Variants in SLMAP observed in about 807,000 individuals in gnomAD.
SLMAP encodes the protein sarcolemma associated protein, also known as sarcolemmal membrane-associated protein.
In SLMAP, 44 loss-of-function variants were observed where a neutral mutation model predicts 128.8. The observed-to-expected ratio is 0.34, with a 90% CI of 0.27 to 0.44. The LOEUF is 0.44. SLMAP is among the 20% of genes least tolerant of loss of function. The pLI is 1.00. For missense variants in SLMAP, 787 were observed against 985.3 expected, an observed-to-expected ratio of 0.80 and a Z score of 2.69; for synonymous variants, 327 against 348.8, an observed-to-expected ratio of 0.94 and a Z score of 0.70.
intron 2 of SLMAP, among the ~76,000 whole-genome samples, chr3:57,785,680 C>A (rs565184191): frequency 6.6e-6 from 1 of 152,282 alleles, no homozygotes; most frequent in South Asian, 2.1e-4. Context: ...TCTACTACCA[C>A]ACTTCTCTTT....
chr3:57,826,284 G>T (rs1274017466), intron 2 of SLMAP, among the ~76,000 whole-genome samples: 1 of 151,972 alleles, frequency 6.6e-6, no homozygotes, highest in Non-Finnish European at 1.5e-5. Context: ...TGAAATAGAA[G>T]TTTACAGTTT....
intron 2 of SLMAP, among the ~76,000 whole-genome samples, chr3:57,798,943 A>G (rs1023300629): frequency 1.3e-5 from 2 of 152,252 alleles, no homozygotes; most frequent in Non-Finnish European, 2.9e-5. Context: ...AGTTGCAGTC[A>G]TAATAAAAAT....
intron 5 of SLMAP, among the ~76,000 whole-genome samples, chr3:57,849,252 C>A (rs1381894010): frequency 6.6e-6 from 1 of 152,042 alleles, no homozygotes; most frequent in Non-Finnish European, 1.5e-5. Flanking sequence ...TTGAAAAAAC[C>A]CTTATAGAAG....
intron 2 of SLMAP, among the ~76,000 whole-genome samples, chr3:57,792,270 C>T (rs555928962): frequency 2.0e-5 from 3 of 151,994 alleles, no homozygotes; most frequent in African/African-American, 7.2e-5. Context: ...ATCTTCTTCT[C>T]CAAGTAAACT....
In SLMAP at chr3:57,876,792, A is replaced by G. The variant is rs367992150; in HGVS notation, c.1300+5094A>G. 3.3e-5 allele frequency among the ~76,000 whole-genome samples: 5 copies of G among 152,222 alleles called. No individual in the cohort carries two copies. In the East Asian group the frequency reaches 5.8e-4, roughly 18 times the overall value. ...GCGTGGTGGAAAGATGAAGGGTGAA[A>G]GGACATGGAGAACTGCCATCACTTG... On this transcript the variant is annotated intron_variant, in intron 14 of 24. Coordinates refer to ENST00000671191, the MANE Select transcript of SLMAP (RefSeq NM_001377540.1).
At chr3:57,864,982 C>A (rs536352499) in intron 12 of SLMAP, 125 bp downstream of exon 12, 2 of 780,118 alleles carry the variant, frequency 2.6e-6, no homozygotes, top group African/African-American at 3.6e-5. Context: ...TATCTATATT[C>A]TTTTAGAAAA....
At chr3:57,777,860 A>G (rs1026596225) in intron 2 of SLMAP, among the ~76,000 whole-genome samples, 6 of 152,242 alleles carry the variant, frequency 3.9e-5, no homozygotes, top group African/African-American at 1.4e-4. Context: ...GGATAATATC[A>G]AGTGTGAGTG....
chr3:57,901,385 T>G (rs936400485), intron 17 of SLMAP: 5 of 152,230 alleles, frequency 3.3e-5, no homozygotes, highest in Non-Finnish European at 7.3e-5. Context: ...TGCCCAGGGT[T>G]TTTTTGTTTG....
At chr3:57,815,700 G>A (rs929479092) in intron 2 of SLMAP, among the ~76,000 whole-genome samples, 3 of 151,086 alleles carry the variant, frequency 2.0e-5, no homozygotes. Context: ...TTGAACTCCT[G>A]GACTCAGACA....
chr3:57,861,890 A>T, intron 9 of SLMAP, 59 bp from the exon 10 acceptor site: 1 of 1,414,164 alleles, frequency 7.1e-7, no homozygotes, highest in Non-Finnish European at 9.8e-7. Context: ...TTTAGAAGGA[A>T]TTCTAAATAA....
rs1577205670 is a variant in SLMAP, at chr3:57,831,300, G to A, written c.199-83G>A. ...AAATTCACTTGCAATAGTTGGCAAA[G>A]CTGGAAGCATTTTTTTAAAAAGTAC... is the stretch of plus-strand genomic sequence containing the variant. On this transcript the variant is annotated intron_variant, in intron 2 of 24. Coordinates refer to ENST00000671191, the MANE Select transcript of SLMAP (RefSeq NM_001377540.1). 4.8e-6 allele frequency: 5 copies of A among 1,036,050 alleles called. No individual in the cohort carries two copies. The East Asian group carries it at 1.2e-4, about 25-fold the overall frequency. The allele number at this position is 1,036,050 out of a possible 1,614,324, so 64.2% of individuals were successfully genotyped here. A position where few individuals can be genotyped will look rare whatever the true frequency, so the allele number is the denominator to read the frequency against.
At chr3:57,773,348 C>T (rs2081246178) in intron 2 of SLMAP, among the ~76,000 whole-genome samples, 1 of 152,194 alleles carries the variant, frequency 6.6e-6, no homozygotes, top group African/African-American at 2.4e-5. Context: ...GACTAAGCCA[C>T]ATCATGTACT....
At chr3:57,832,536 A>G (rs1044464516) in intron 3 of SLMAP, among the ~76,000 whole-genome samples, 15 of 152,330 alleles carry the variant, frequency 9.8e-5, no homozygotes, top group South Asian at 2.1e-4. Context: ...GATAAAAACC[A>G]TAAGTGTTTA....
At chr3:57,903,761 A>G (rs184048260) in intron 17 of SLMAP, among the ~76,000 whole-genome samples, 1 of 152,312 alleles carries the variant, frequency 6.6e-6, no homozygotes, top group Non-Finnish European at 1.5e-5. Flanking sequence ...AACTTACATT[A>G]CTCCTAAATA....
chr3:57,769,774 T>C (rs1333403422), intron 2 of SLMAP, among the ~76,000 whole-genome samples: 1 of 152,228 alleles, frequency 6.6e-6, no homozygotes, highest in East Asian at 1.9e-4. Flanking sequence ...TGCTTCCTTA[T>C]TGTGAATGTC....
At chr3:57,767,977 T>A (rs2080076161) in intron 2 of SLMAP, among the ~76,000 whole-genome samples, 1 of 152,226 alleles carries the variant, frequency 6.6e-6, no homozygotes, top group African/African-American at 2.4e-5. Flanking sequence ...CTAACATTTT[T>A]AAAAACTTAC....
chr3:57,873,019 A>C (rs2095519448), intron 14 of SLMAP, among the ~76,000 whole-genome samples: 1 of 152,200 alleles, frequency 6.6e-6, no homozygotes, highest in Admixed American at 6.5e-5. Flanking sequence ...CCTGGTAATT[A>C]AAACAGACAC....
rs1027447589 is a variant in SLMAP, at chr3:57,927,644, A to G, written c.*355A>G. ...GTAATTTTTAAATTAGTATGTTAAG[A>G]TTCTGAATATTATGGTGGCCTAAAG... On this transcript the variant is annotated 3_prime_UTR_variant, in exon 25 of 25. Transcript: ENST00000671191. The G allele has an allele frequency of 5.9e-5, 12 of 204,038 alleles. No individual in the cohort carries two copies. The highest frequency in any genetic ancestry group is 1.1e-4 in the Non-Finnish European group (11 of 102,494). The allele number at this position is 204,038 out of a possible 1,614,324, so 12.6% of individuals were successfully genotyped here.
intron 13 of SLMAP, among the ~76,000 whole-genome samples, chr3:57,870,418 C>CTATA (rs1238286618): frequency 6.6e-6 from 1 of 151,830 alleles, no homozygotes; most frequent in Non-Finnish European, 1.5e-5. Flanking sequence ...TATTGTATCA[C>CTATA]TATATAGTAT....
Sources: allele counts gnomAD v4.1 joint callset (sites outside exome capture counted in the v4.1 genomes callset), GRCh38; gene constraint gnomAD v4.1.1; transcripts MANE v1.5; gene names NCBI Gene and HGNC (gene_info 2026-07-23, HGNC 2026-07-21).